The following IL1RAPL2 variants were observed in gnomAD, a reference collection of about 807,000 sequenced individuals.
IL1RAPL2 encodes X-linked interleukin-1 receptor accessory protein-like 2.
Under a neutral mutation model 44.1 loss-of-function variants are expected in IL1RAPL2, and 3 were observed. That is an observed-to-expected ratio of 0.07 (90% confidence interval 0.03 to 0.18). The LOEUF (loss-of-function observed/expected upper bound fraction) is 0.18, where lower values mean the gene tolerates loss of function less well. Ranked by LOEUF, IL1RAPL2 falls within the 10% of genes least tolerant of loss-of-function variation. IL1RAPL2 has a pLI of 1.00. For synonymous variants in IL1RAPL2, 181 were observed against 178.8 expected (o/e 1.01, Z -0.10); for missense variants, 391 against 496.4 (o/e 0.79, Z 2.02).
chrX:105,367,134 A>G (rs771107548), intron 5 of IL1RAPL2, among the ~76,000 whole-genome samples: 1 of 111,652 alleles, frequency 9.0e-6, no homozygotes, highest in African/African-American at 3.2e-5. Flanking sequence ...ATTATCTAAT[A>G]TAAATATAGT....
At chrX:104,881,488 G>T (rs1424710455) in intron 2 of IL1RAPL2, among the ~76,000 whole-genome samples, 1 of 112,201 alleles carries the variant, frequency 8.9e-6, no homozygotes, top group African/African-American at 3.2e-5. Context: ...CTGGAACAAA[G>T]AAAAATAATT....
intron 2 of IL1RAPL2, among the ~76,000 whole-genome samples, chrX:104,666,173 A>C (rs1231673920): frequency 9.0e-6 from 1 of 110,706 alleles, no homozygotes; most frequent in Non-Finnish European, 1.9e-5. Context: ...ATACAGTGAA[A>C]ATCTCTGCCT....
intron 2 of IL1RAPL2, among the ~76,000 whole-genome samples, chrX:105,195,257 G>C (rs1442595878): frequency 1.8e-5 from 2 of 108,395 alleles, no homozygotes; most frequent in Non-Finnish European, 3.8e-5. Flanking sequence ...GAAGGTGGCT[G>C]TAGAATATTG....
At chrX:104,877,890 A>C (rs1796596527) in intron 2 of IL1RAPL2, among the ~76,000 whole-genome samples, 1 of 111,982 alleles carries the variant, frequency 8.9e-6, no homozygotes, top group Admixed American at 9.5e-5. Context: ...GGAAAAACTG[A>C]AGTAAGGCTT....
At chrX:104,914,580 T>G (rs1021992475) in intron 2 of IL1RAPL2, among the ~76,000 whole-genome samples, 2 of 111,683 alleles carry the variant, frequency 1.8e-5, no homozygotes, top group African/African-American at 6.5e-5. Context: ...TTTATTATTA[T>G]TATATTTTAA....
intron 2 of IL1RAPL2, among the ~76,000 whole-genome samples, chrX:104,914,339 G>T (rs1924344163): frequency 8.9e-6 from 1 of 111,855 alleles, no homozygotes; most frequent in South Asian, 3.7e-4. Context: ...ATTTCTGACA[G>T]CTTTTTACCT....
intron 2 of IL1RAPL2, among the ~76,000 whole-genome samples, chrX:104,752,509 C>T (rs1463259504): frequency 9.0e-6 from 1 of 110,515 alleles, no homozygotes; most frequent in Non-Finnish European, 1.9e-5. Context: ...AAGCTTTGCT[C>T]ATGTTACCTT....
At chrX:105,475,354 T>G (rs1418487896) in intron 5 of IL1RAPL2, among the ~76,000 whole-genome samples, 1 of 108,213 alleles carries the variant, frequency 9.2e-6, no homozygotes, top group East Asian at 2.8e-4. Flanking sequence ...TTGGGTATCA[T>G]ATTATATTTT....
At chrX:105,427,515 A>G (rs1331592016) in intron 5 of IL1RAPL2, among the ~76,000 whole-genome samples, 1 of 112,231 alleles carries the variant, frequency 8.9e-6, no homozygotes, top group Non-Finnish European at 1.9e-5. Context: ...TTCTGGAGTC[A>G]TGTTTATAAA....
intron 6 of IL1RAPL2, among the ~76,000 whole-genome samples, chrX:105,553,500 C>A (rs767876577): frequency 9.0e-6 from 1 of 111,583 alleles, no homozygotes; most frequent in South Asian, 3.7e-4. Context: ...TATTTTCTTC[C>A]TGGTATATAA....
chrX:105,318,332 T>G lies in IL1RAPL2; in HGVS notation c.697+50791T>G, dbSNP rs139768569. 5.3e-3 allele frequency among the ~76,000 whole-genome samples: 586 copies of G among 111,559 alleles called. 5 individuals are homozygous for G. The highest frequency in any genetic ancestry group is 0.018 in the African/African-American group (546 of 30,687). ...AACACTTAGGCACTCCTCTAGGAGT[T>G]TTATGTTAGAGAACTATGCAAGATC... On this transcript the variant is annotated intron_variant, in intron 5 of 10. Coordinates refer to ENST00000372582, the MANE Select transcript of IL1RAPL2 (RefSeq NM_017416.2).
chrX:105,060,081 G>A (rs1026313260), intron 2 of IL1RAPL2, among the ~76,000 whole-genome samples: 1 of 111,161 alleles, frequency 9.0e-6, no homozygotes, highest in Non-Finnish European at 1.9e-5. Context: ...AGTGTTCAAG[G>A]GCTCCCTTTT....
intron 2 of IL1RAPL2, among the ~76,000 whole-genome samples, chrX:104,721,071 A>G (rs1013650435): frequency 9.0e-6 from 1 of 111,511 alleles, no homozygotes; most frequent in Non-Finnish European, 1.9e-5. Flanking sequence ...ACGCTTTTAC[A>G]CTGTTAGTGG....
At position 104,831,734 on chromosome X, in the gene IL1RAPL2, C is replaced by A. The variant is rs146159549; in HGVS notation, c.82+172739C>A. Among the ~76,000 whole-genome samples, 310 of 112,059 alleles carry A rather than the reference C, an allele frequency of 2.8e-3. 5 individuals are homozygous for A. In the East Asian group the frequency reaches 0.062, roughly 23 times the overall value. On this transcript the variant is annotated intron_variant, in intron 2 of 10. Coordinates refer to ENST00000372582, the MANE Select transcript of IL1RAPL2 (RefSeq NM_017416.2). ...GATTTTCCAACTGTGATTTGTCCTG[C>A]TTCTCTTAGTTGGGAGTCCATATAG...
At chrX:105,379,476 G>A (rs971318321) in intron 5 of IL1RAPL2, among the ~76,000 whole-genome samples, 1 of 111,474 alleles carries the variant, frequency 9.0e-6, no homozygotes, top group African/African-American at 3.3e-5. Context: ...ACATAGGGAG[G>A]GGTCATAGAA....
chrX:104,605,782 C>A (rs1198567306), intron 1 of IL1RAPL2, among the ~76,000 whole-genome samples: 1 of 111,847 alleles, frequency 8.9e-6, no homozygotes, highest in African/African-American at 3.3e-5. Flanking sequence ...GAAGTCAAAT[C>A]CCTGAATAGA....
intron 5 of IL1RAPL2, among the ~76,000 whole-genome samples, chrX:105,300,600 C>T (rs1162841832): frequency 9.0e-6 from 1 of 111,096 alleles, no homozygotes; most frequent in African/African-American, 3.3e-5. Context: ...ACCAGTTTCC[C>T]ATTCCCATAA....
intron 2 of IL1RAPL2, among the ~76,000 whole-genome samples, chrX:105,188,885 T>A (rs1217605589): frequency 8.9e-6 from 1 of 111,933 alleles, no homozygotes; most frequent in Non-Finnish European, 1.9e-5. Flanking sequence ...TTAAAAAAAA[T>A]GACAAAAGCT....
At chrX:105,122,861 G>A (rs754508205) in intron 2 of IL1RAPL2, among the ~76,000 whole-genome samples, 1 of 110,983 alleles carries the variant, frequency 9.0e-6, no homozygotes, top group East Asian at 2.8e-4. Flanking sequence ...TGGGGGTTGT[G>A]GGAAGGCAGA....
Sources: gnomAD v4.1 joint callset for allele counts (sites outside exome capture counted in the v4.1 genomes callset) on GRCh38, gnomAD v4.1.1 for gene constraint, MANE v1.5 for transcripts, NCBI Gene and HGNC (gene_info 2026-07-23, HGNC 2026-07-21) for gene names.